The following BNC2 variants were observed in gnomAD, a reference collection of about 807,000 sequenced individuals.
BNC2 encodes basonuclin zinc finger protein 2.
BNC2 carries 20 observed loss-of-function variants against 76.3 expected under a neutral mutation model. The observed-to-expected ratio is 0.26, with a 90% CI of 0.18 to 0.38. BNC2 has a LOEUF of 0.38. BNC2 is among the 10% of genes least tolerant of loss of function. The pLI is 1.00. For missense variants in BNC2, 1,382 were observed against 1,399.8 expected, an observed-to-expected ratio of 0.99 and a Z score of 0.20; for synonymous variants, 582 against 514.8, an observed-to-expected ratio of 1.13 and a Z score of -1.77.
rs201554413 is a variant in BNC2, at chr9:16,808,696, C to CT, written c.3+61949dup. On this transcript the variant is annotated intron_variant, in intron 1 of 6. Coordinates refer to ENST00000380672, the MANE Select transcript of BNC2 (RefSeq NM_017637.6). ...ATGGGGTTTTGCTATGTTGCCCAAG[C>CT]TTTTTTTTTTATTTCAACTTCAATT... is the stretch of plus-strand genomic sequence containing the variant. Among the ~76,000 whole-genome samples the CT allele has an allele frequency of 2.0e-3, 284 of 144,640 alleles. 2 individuals carry two copies. The South Asian group carries it at 0.022, about 11-fold the overall frequency. The allele number at this position is 144,640 out of a possible 152,430, so 94.9% of individuals were successfully genotyped here.
intron 6 of BNC2, among the ~76,000 whole-genome samples, chr9:16,424,578 C>T (rs904334345): frequency 5.9e-5 from 9 of 152,052 alleles, no homozygotes; most frequent in African/African-American, 1.4e-4. Flanking sequence ...ATATACATAG[C>T]GTAACAATAA....
In BNC2 at chr9:16,781,425, C is replaced by T. The variant is rs997133224; in HGVS notation, c.4-42940G>A. ...TGGCGCAATCGTGGCTCACTGCAACCTCCACCTACCAGGTTCAAGCAATTC... is the reference window on the plus strand; with the variant it reads ...TGGCGCAATCGTGGCTCACTGCAACTTCCACCTACCAGGTTCAAGCAATTC... On this transcript the variant is annotated intron_variant, in intron 1 of 6. Coordinates refer to ENST00000380672, the MANE Select transcript of BNC2 (RefSeq NM_017637.6). Among the ~76,000 whole-genome samples, 3 of 152,184 alleles carry T rather than the reference C, an allele frequency of 2.0e-5. No homozygotes were observed. In the East Asian group the frequency reaches 5.8e-4, roughly 29 times the overall value.
chr9:16,532,318 C>G (rs986853166), intron 5 of BNC2, among the ~76,000 whole-genome samples: 2 of 151,844 alleles, frequency 1.3e-5, no homozygotes, highest in Admixed American at 6.6e-5. Context: ...TATTAAAAGA[C>G]TCTGGTATTT....
intron 1 of BNC2, among the ~76,000 whole-genome samples, chr9:16,756,080 G>C (rs1825377283): frequency 6.6e-6 from 1 of 152,112 alleles, no homozygotes; most frequent in Admixed American, 6.5e-5. Flanking sequence ...CTATCAAAAG[G>C]GACAACCCTT....
chr9:16,562,521 T>G (rs1170402901), intron 4 of BNC2, among the ~76,000 whole-genome samples: 1 of 152,210 alleles, frequency 6.6e-6, no homozygotes, highest in Non-Finnish European at 1.5e-5. Context: ...ACAGCCTACA[T>G]AATCAAATAA....
chr9:16,495,214 G>C (rs527276284), intron 5 of BNC2, among the ~76,000 whole-genome samples: 1 of 152,136 alleles, frequency 6.6e-6, no homozygotes, highest in African/African-American at 2.4e-5. Flanking sequence ...AAGGACAGTC[G>C]TAGTTTAACC....
At chr9:16,732,964 C>T (rs1399044810) in intron 2 of BNC2, among the ~76,000 whole-genome samples, 8 of 152,066 alleles carry the variant, frequency 5.3e-5, no homozygotes. Context: ...AATGTTTTGC[C>T]CTCTCTTAAT....
rs1006494057 is a variant in BNC2 at position 16,418,333 on chromosome 9, A to G, written c.*656T>C. On this transcript the variant is annotated 3_prime_UTR_variant, in exon 7 of 7. Transcript: ENST00000380672. The stretch of plus-strand genomic sequence containing the variant: ...TGTGCATTAATGCTAACATAAATGA[A>G]TAGAGCTAGCCAGCAAACTATCTTT... 1 of 152,752 alleles carries G rather than the reference A, an allele frequency of 6.5e-6. No individual in the cohort carries two copies. The highest frequency in any genetic ancestry group is 2.4e-5 in the African/African-American group (1 of 41,462). The allele number at this position is 152,752 out of a possible 1,614,324, so 9.5% of individuals were successfully genotyped here.
intron 6 of BNC2, chr9:16,429,763 C>T (rs148694508): frequency 6.6e-6 from 2 of 303,774 alleles, no homozygotes; most frequent in South Asian, 2.9e-5. Flanking sequence ...GGAAATCATT[C>T]GTCAGCCATG....
At chr9:16,787,206 C>A (rs1370313829) in intron 1 of BNC2, among the ~76,000 whole-genome samples, 3 of 152,184 alleles carry the variant, frequency 2.0e-5, no homozygotes, top group Non-Finnish European at 1.5e-5. Flanking sequence ...CCAAGAGTGT[C>A]AGAAGCCCTG....
intron 3 of BNC2, among the ~76,000 whole-genome samples, chr9:16,722,860 T>C (rs1236846724): frequency 6.6e-6 from 1 of 152,222 alleles, no homozygotes; most frequent in African/African-American, 2.4e-5. Flanking sequence ...GTCTGCATGT[T>C]ATCCATAGAC....
chr9:16,863,588 G>A (rs767987815), intron 1 of BNC2, among the ~76,000 whole-genome samples: 55 of 152,102 alleles, frequency 3.6e-4, no homozygotes, highest in Admixed American at 9.8e-4. Context: ...CCAGCTAATC[G>A]GGAGGCTGAG....
rs190389289 is a variant in BNC2 at position 16,676,577 on chromosome 9, T to A, written c.330+51220A>T. Among the ~76,000 whole-genome samples the A allele has an allele frequency of 1.1e-4, 16 of 152,292 alleles. 1 individual carries two copies. The East Asian group carries it at 3.1e-3, about 29-fold the overall frequency. ...CATTCTCTCACAGAAATATTGGTAT[T>A]GAGAGAGAATGCAGAAATGTAGTTA... On this transcript the variant is annotated intron_variant, in intron 3 of 6. Coordinates refer to ENST00000380672, the MANE Select transcript of BNC2 (RefSeq NM_017637.6).
intron 1 of BNC2, among the ~76,000 whole-genome samples, chr9:16,770,006 C>A (rs1231640680): frequency 6.6e-6 from 1 of 152,140 alleles, no homozygotes; most frequent in African/African-American, 2.4e-5. Context: ...TATACCTAAC[C>A]TACAGCCTAC....
At chr9:16,659,562 T>C (rs142855229) in intron 3 of BNC2, among the ~76,000 whole-genome samples, 12 of 148,380 alleles carry the variant, frequency 8.1e-5, no homozygotes, top group South Asian at 2.1e-4. Context: ...TAGCCGAGAT[T>C]GCACCACTGC....
intron 6 of BNC2, among the ~76,000 whole-genome samples, chr9:16,433,972 G>T (rs1045114823): frequency 2.0e-5 from 3 of 152,116 alleles, no homozygotes; most frequent in African/African-American, 7.2e-5. Flanking sequence ...CTTGGAGGAG[G>T]TTGGGTACAG....
intron 4 of BNC2, among the ~76,000 whole-genome samples, chr9:16,553,748 G>T (rs553285984): frequency 2.0e-5 from 3 of 152,126 alleles, no homozygotes; most frequent in African/African-American, 7.2e-5. Flanking sequence ...CCAAAATAAG[G>T]TCATAAATTC....
At chr9:16,748,517 C>A (rs10962566) in intron 1 of BNC2, among the ~76,000 whole-genome samples, 130,470 of 151,626 alleles carry the variant, frequency 0.86, 56,505 homozygotes, top group Non-Finnish European at 0.91. Flanking sequence ...TTGTCTTAAA[C>A]ATTTAAAAAG....
rs989739914 is a variant in BNC2, at chr9:16,421,353, AAGAG to A, written c.2640-1708_2640-1705del. ...AGACAGAGAGAGAGAAAGAAAGAGA[AAGAG>A]AGAGAGAGAAAACAAATTCACATTC... On this transcript the variant is annotated intron_variant, in intron 6 of 6. Coordinates refer to ENST00000380672, the MANE Select transcript of BNC2 (RefSeq NM_017637.6). 71 of 1,127,658 alleles carry A rather than the reference AAGAG, an allele frequency of 6.3e-5. No homozygotes were observed. The South Asian group carries it at 7.3e-4, about 12-fold the overall frequency. 69.9% of individuals were successfully genotyped at this position (1,127,658 alleles called of 1,614,324 possible).
Sources: gnomAD v4.1 joint callset for allele counts (sites outside exome capture counted in the v4.1 genomes callset) on GRCh38, gnomAD v4.1.1 for gene constraint, MANE v1.5 for transcripts, NCBI Gene and HGNC (gene_info 2026-07-23, HGNC 2026-07-21) for gene names.